GCSAML: variants seen among roughly 807,000 people sequenced by gnomAD.
GCSAML encodes the protein germinal center associated signaling and motility like.
Under a neutral mutation model 13.0 loss-of-function variants are expected in GCSAML, and 9 were observed. The ratio of observed to expected loss-of-function variants is 0.69; its 90% CI spans 0.42 to 1.21. The LOEUF (loss-of-function observed/expected upper bound fraction) is 1.21, where lower values mean the gene tolerates loss of function less well. Among genes scored for constraint, GCSAML ranks in the 50% most tolerant of loss-of-function variants. The probability of loss-of-function intolerance (pLI) is 0.00; values close to 1 mark genes in which losing one functional copy is unlikely to be tolerated. For missense variants in GCSAML, 143 were observed against 153.4 expected, an observed-to-expected ratio of 0.93 and a Z score of 0.36; for synonymous variants, 37 against 52.9, an observed-to-expected ratio of 0.70 and a Z score of 1.31.
rs150506862 is a variant in GCSAML at position 247,574,339 on chromosome 1, C to T, written c.365C>T (p.Ser122Phe). 2 of 1,613,930 alleles carry T rather than the reference C, an allele frequency of 1.2e-6. No individual in the cohort carries two copies. Among genetic ancestry groups the T allele is most frequent in the African/African-American group, 1.3e-5 (1 of 74,910 alleles). The change falls in exon 5 of 5, where the codon TCC becomes TTC. Residue 122 changes from serine (S) to phenylalanine (F), a missense_variant. By Grantham distance (155) the Ser-to-Phe change is radical. Transcript: ENST00000366488. Reference sequence around the variant, plus strand: ...AGGACTTCTGTTAGTAGGCCTTGTTCCTGCACCCATGAGCATGATTATGAA... The same window carrying T: ...AGGACTTCTGTTAGTAGGCCTTGTTTCTGCACCCATGAGCATGATTATGAA... ...LLRTSVSRPCSCTHEHDYEVV... is the reference protein window; with the variant it reads ...LLRTSVSRPCFCTHEHDYEVV...
intron 2 of GCSAML, among the ~76,000 whole-genome samples, chr1:247,538,475 A>G (rs1173482859): frequency 6.6e-6 from 1 of 152,186 alleles, no homozygotes; most frequent in African/African-American, 2.4e-5. Context: ...TGTGCCCTAC[A>G]CCCATTCATA....
intron 2 of GCSAML, among the ~76,000 whole-genome samples, chr1:247,542,584 A>G (rs764173305): frequency 3.3e-5 from 5 of 152,252 alleles, no homozygotes; most frequent in Non-Finnish European, 7.3e-5. Flanking sequence ...AATTTTCAGT[A>G]TCAATAAAAT....
At chr1:247,562,062 G>A (rs1572363078) in intron 2 of GCSAML, among the ~76,000 whole-genome samples, 1 of 152,140 alleles carries the variant, frequency 6.6e-6, no homozygotes, top group Non-Finnish European at 1.5e-5. Flanking sequence ...GAATTTACAG[G>A]CAAAATTGTA....
At position 247,574,402 on chromosome 1, in the gene GCSAML, C is replaced by T. The variant is rs754434079; in HGVS notation, c.*20C>T. 6.2e-7 allele frequency: 1 copy of T among 1,611,542 alleles called. No homozygotes were observed. The highest frequency in any genetic ancestry group is 2.2e-5 in the East Asian group (1 of 44,862). On this transcript the variant is annotated 3_prime_UTR_variant, in exon 5 of 5. Transcript: ENST00000366488. ...CACTAAAATCCTCAAGCTGCTTTAT[C>T]ACCTTCCAGCAATGAAGACAATGCA...
intron 4 of GCSAML, 117 bp downstream of exon 4, chr1:247,566,076 G>T: frequency 3.2e-6 from 2 of 634,274 alleles, no homozygotes; most frequent in South Asian, 2.7e-5. Flanking sequence ...TCCTTTATTT[G>T]TAATTTCTAA....
At chr1:247,507,964 G>C (rs905818091) in intron 1 of GCSAML, among the ~76,000 whole-genome samples, 1 of 152,136 alleles carries the variant, frequency 6.6e-6, no homozygotes, top group African/African-American at 2.4e-5. Flanking sequence ...GAACACTGCT[G>C]CAATAAACAT....
intron 4 of GCSAML, 89 bp downstream of exon 4, chr1:247,566,048 C>T (rs1168110694): frequency 1.2e-6 from 1 of 813,636 alleles, no homozygotes; most frequent in Non-Finnish European, 1.9e-6. Flanking sequence ...ATGATTTATT[C>T]AAGAGTAGCA....
intron 2 of GCSAML, chr1:247,532,165 A>C (rs1186636132): frequency 7.4e-6 from 12 of 1,614,178 alleles, no homozygotes; most frequent in African/African-American, 1.3e-5. Context: ...CATGGTGGCC[A>C]GCAGGACACA....
intron 1 of GCSAML, chr1:247,519,261 C>T (rs1038979030): frequency 6.6e-6 from 1 of 152,182 alleles, no homozygotes; most frequent in Admixed American, 6.5e-5. Context: ...ATAGATGCTG[C>T]TACTTCTTTC....
intron 2 of GCSAML, among the ~76,000 whole-genome samples, chr1:247,558,068 A>G (rs190335920): frequency 2.2e-3 from 329 of 152,360 alleles, no homozygotes; most frequent in African/African-American, 7.5e-3. Flanking sequence ...CAATAACTAA[A>G]TGTAGATAAA....
chr1:247,567,225 A>G (rs1402634792), intron 4 of GCSAML, among the ~76,000 whole-genome samples: 1 of 151,956 alleles, frequency 6.6e-6, no homozygotes, highest in Non-Finnish European at 1.5e-5. Flanking sequence ...TCTGTTACAT[A>G]GGAATACATG....
Position 247,512,231 on chromosome 1 carries a change from T to G in GCSAML, c.-263+4998T>G, listed in dbSNP as rs185487627. ...TTTTCATTCTTTTTTCTATAATCTT[T>G]GTCTTCACGCTTTATTTCATTATGC... On this transcript the variant is annotated intron_variant, in intron 1 of 5. Coordinates refer to the GCSAML transcript ENST00000366489. 1.6e-3 allele frequency among the ~76,000 whole-genome samples: 249 copies of G among 152,102 alleles called. 1 individual carries two copies. Among genetic ancestry groups the G allele is most frequent in the African/African-American group, 5.7e-3 (237 of 41,530 alleles).
rs1667953010 is a variant in GCSAML at position 247,556,468 on chromosome 1, T to C, written c.89+2T>C. On this transcript the variant is annotated splice_donor_variant, in intron 2 of 4. Coordinates refer to ENST00000366488, the MANE Select transcript of GCSAML (RefSeq NM_145278.5). LOFTEE classifies it high-confidence loss of function. ...AAACCCAGATGAGGAAAGAAAACGGTAAGAACAGAGCATCTCAGAGTTTTT... is the reference window on the plus strand; with the variant it reads ...AAACCCAGATGAGGAAAGAAAACGGCAAGAACAGAGCATCTCAGAGTTTTT... 1 of 1,604,148 alleles carries C rather than the reference T, an allele frequency of 6.2e-7. No individual in the cohort carries two copies. Among genetic ancestry groups the C allele is most frequent in the East Asian group, 2.2e-5 (1 of 44,794 alleles).
intron 1 of GCSAML, among the ~76,000 whole-genome samples, chr1:247,514,506 C>T (rs1304979848): frequency 6.6e-6 from 1 of 152,034 alleles, no homozygotes; most frequent in Admixed American, 6.6e-5. Context: ...TGTTTTTGTT[C>T]CATTTGCTTT....
chr1:247,533,721 G>A (rs1190349797), intron 2 of GCSAML: 1 of 152,180 alleles, frequency 6.6e-6, no homozygotes, highest in Non-Finnish European at 1.5e-5. Flanking sequence ...ATAAAAATGG[G>A]AAGTTTCTCT....
At chr1:247,531,740 A>G (rs778407855) in intron 2 of GCSAML, 3 of 1,614,170 alleles carry the variant, frequency 1.9e-6, no homozygotes, top group Middle Eastern at 3.3e-4. Context: ...AGATACATGA[A>G]GATGATGCTC....
chr1:247,516,062 G>A (rs1464717684), intron 1 of GCSAML, among the ~76,000 whole-genome samples: 1 of 152,144 alleles, frequency 6.6e-6, no homozygotes, highest in Non-Finnish European at 1.5e-5. Context: ...GCAGAGGAAG[G>A]CAGGGTGGTA....
intron 1 of GCSAML, among the ~76,000 whole-genome samples, chr1:247,517,907 G>C (rs970637427): frequency 3.0e-4 from 45 of 152,288 alleles, no homozygotes; most frequent in African/African-American, 1.0e-3. Context: ...CATTCTGCTG[G>C]GGTTCTGGAG....
chr1:247,532,497 G>C, intron 2 of GCSAML: 1 of 1,613,684 alleles, frequency 6.2e-7, no homozygotes, highest in Non-Finnish European at 8.5e-7. Flanking sequence ...AACTCACATT[G>C]GCTATTTCCA....
Sources: allele counts gnomAD v4.1 joint callset (sites outside exome capture counted in the v4.1 genomes callset), GRCh38; gene constraint gnomAD v4.1.1; transcripts MANE v1.5; gene names NCBI Gene and HGNC (gene_info 2026-07-23, HGNC 2026-07-21).